ASXL3: variants seen among roughly 807,000 people sequenced by gnomAD.
The protein encoded by ASXL3 is ASXL transcriptional regulator 3.
A neutral mutation model predicts 170.6 loss-of-function variants in ASXL3; 34 were observed. The observed-to-expected ratio is 0.20, with a 90% CI of 0.15 to 0.27. The LOEUF (loss-of-function observed/expected upper bound fraction) is 0.27, where lower values mean the gene tolerates loss of function less well. Among genes scored for constraint, ASXL3 ranks in the 10% least tolerant of loss-of-function variants. The pLI, the probability that ASXL3 is intolerant of heterozygous loss-of-function variation, is 1.00. For missense variants in ASXL3, 2,592 were observed against 2,695.3 expected (o/e 0.96, Z 0.85); for synonymous variants, 1,002 against 989.1 (o/e 1.01, Z -0.24).
rs936599256 is a variant in ASXL3, at chr18:33,594,231, A to G, written c.55-13363A>G. On this transcript the variant is annotated intron_variant, in intron 1 of 11. Coordinates refer to ENST00000269197, the MANE Select transcript of ASXL3 (RefSeq NM_030632.3). ...GAATGGCAACCTCTGGGAAAAATCT[A>G]AGTAAGACTTGTTGTGAGTCCTAAT... is the stretch of plus-strand genomic sequence containing the variant. Among the ~76,000 whole-genome samples, 5 of 152,314 alleles carry G rather than the reference A, an allele frequency of 3.3e-5. No homozygotes were observed. In the East Asian group the frequency reaches 9.6e-4, roughly 29 times the overall value.
chr18:33,684,536 A>G (rs1007829179), intron 8 of ASXL3, among the ~76,000 whole-genome samples: 2 of 151,946 alleles, frequency 1.3e-5, no homozygotes, highest in African/African-American at 4.8e-5. Flanking sequence ...TTTGGTGGTG[A>G]TTATTGTTCA....
chr18:33,702,934 T>G (rs2066900088), intron 8 of ASXL3, among the ~76,000 whole-genome samples: 1 of 152,148 alleles, frequency 6.6e-6, no homozygotes, highest in Non-Finnish European at 1.5e-5. Flanking sequence ...GTCCATTAAT[T>G]GCTGCCTGAT....
chr18:33,604,062 C>G (rs1018763741), intron 1 of ASXL3, among the ~76,000 whole-genome samples: 1 of 151,836 alleles, frequency 6.6e-6, no homozygotes, highest in Non-Finnish European at 1.5e-5. Context: ...AGATTTTCAG[C>G]AAAAATTTTT....
At chr18:33,728,889 T>TA (rs1442667260) in intron 8 of ASXL3, among the ~76,000 whole-genome samples, 4 of 152,326 alleles carry the variant, frequency 2.6e-5, no homozygotes, top group African/African-American at 7.2e-5. Context: ...AAAAATTTGA[T>TA]ACGTTTCCCA....
At chr18:33,699,948 T>A (rs909204207) in intron 8 of ASXL3, among the ~76,000 whole-genome samples, 3 of 152,088 alleles carry the variant, frequency 2.0e-5, no homozygotes, top group Non-Finnish European at 4.4e-5. Flanking sequence ...TTTTATCTCC[T>A]TTATAATTAG....
chr18:33,671,970 A>T, intron 7 of ASXL3, 104 bp downstream of exon 7: 1 of 1,225,520 alleles, frequency 8.2e-7, no homozygotes, highest in Admixed American at 3.1e-5. Context: ...TAAACAAGGA[A>T]ATTAAAATTT....
At chr18:33,689,632 A>G (rs1461460765) in intron 8 of ASXL3, among the ~76,000 whole-genome samples, 2 of 152,224 alleles carry the variant, frequency 1.3e-5, no homozygotes, top group African/African-American at 2.4e-5. Context: ...GGAGAAATAC[A>G]GTAAATGATG....
At chr18:33,616,576 A>G (rs1160391016) in intron 2 of ASXL3, 1 of 152,180 alleles carries the variant, frequency 6.6e-6, no homozygotes, top group African/African-American at 2.4e-5. Context: ...AATTACTATT[A>G]AGTCCTCCCA....
intron 2 of ASXL3, among the ~76,000 whole-genome samples, chr18:33,609,214 A>T (rs1417072498): frequency 6.6e-6 from 1 of 151,984 alleles, no homozygotes; most frequent in Non-Finnish European, 1.5e-5. Context: ...CCCTGGAAAT[A>T]TTTATGACAT....
rs772111853 is a variant in ASXL3, at chr18:33,683,501, C to T, written c.812C>T (p.Thr271Met). ...TTGAGGGCATTAATAAATAAACATA[C>T]GTTTGCTTCCTTACCTCAGCATTTT... ...TNLRALINKHTFASLPQHFQQ... is the reference protein window; with the variant it reads ...TNLRALINKHMFASLPQHFQQ... Residue 271 changes from threonine to methionine, a missense_variant, in exon 8 of 12, where the codon ACG becomes ATG. By Grantham distance (81) the Thr-to-Met change is moderately conservative (BLOSUM62 -1). Around this residue, in one of 4 missense-constraint regions of ASXL3, gnomAD observed 73 missense variants for 142.7 expected, o/e 0.51. Transcript: ENST00000269197. The T allele has an allele frequency of 4.3e-6, 7 of 1,613,276 alleles. No homozygotes were observed. Among genetic ancestry groups the T allele is most frequent in the Admixed American group, 1.7e-5 (1 of 59,954 alleles).
intron 2 of ASXL3, chr18:33,608,945 C>G (rs1486713600): frequency 1.2e-6 from 1 of 811,464 alleles, no homozygotes; most frequent in Admixed American, 6.3e-5. Context: ...GACACCTATG[C>G]TCAAATTTTC....
intron 1 of ASXL3, among the ~76,000 whole-genome samples, chr18:33,607,143 G>A (rs971898201): frequency 6.6e-6 from 1 of 151,858 alleles, no homozygotes; most frequent in Non-Finnish European, 1.5e-5. Flanking sequence ...CAACATTTTG[G>A]CCGTGAATCC....
intron 4 of ASXL3, among the ~76,000 whole-genome samples, chr18:33,656,700 C>T (rs1463543004): frequency 1.3e-5 from 2 of 152,036 alleles, no homozygotes; most frequent in Non-Finnish European, 2.9e-5. Flanking sequence ...AGTGGCAGGT[C>T]GTGCAACTTC....
intron 2 of ASXL3, among the ~76,000 whole-genome samples, chr18:33,638,775 G>T (rs1305778299): frequency 1.3e-5 from 2 of 152,102 alleles, no homozygotes; most frequent in African/African-American, 4.8e-5. Context: ...ATTTTGGAGT[G>T]GCTATGAGGC....
rs747225265 is a variant in ASXL3, at chr18:33,743,850, C to G, written c.4002C>G (p.Val1334=). Residue 1334 remains valine (V), a synonymous_variant, in exon 12 of 12, where the codon GTC becomes GTG. Transcript: ENST00000269197. ...LISSSSASNL[V]STQYTSVPTP... Reference sequence around the variant, plus strand: ...CAAGCAGCAGTGCTAGTAACTTAGTCTCCACTCAGTACACCTCTGTGCCAA... The same window carrying G: ...CAAGCAGCAGTGCTAGTAACTTAGTGTCCACTCAGTACACCTCTGTGCCAA... 1 of 1,614,026 alleles carries G rather than the reference C, an allele frequency of 6.2e-7. No individual in the cohort carries two copies. Among genetic ancestry groups the G allele is most frequent in the South Asian group, 1.1e-5 (1 of 91,088 alleles).
chr18:33,674,002 A>T (rs1473816321), intron 7 of ASXL3, among the ~76,000 whole-genome samples: 1 of 152,180 alleles, frequency 6.6e-6, no homozygotes, highest in African/African-American at 2.4e-5. Context: ...ATATAATGGA[A>T]TGGTCTAGGT....
chr18:33,588,905 C>T (rs1354790081), intron 1 of ASXL3, among the ~76,000 whole-genome samples: 2 of 152,144 alleles, frequency 1.3e-5, no homozygotes, highest in African/African-American at 4.8e-5. Context: ...GCCACAAACC[C>T]TCTTGTCAGT....
At position 33,739,496 on chromosome 18, in the gene ASXL3, T is replaced by C. The variant is rs773625471; in HGVS notation, c.2092T>C (p.Leu698=). 8.4e-5 allele frequency: 136 copies of C among 1,613,826 alleles called. No homozygotes were observed. Among genetic ancestry groups the C allele is most frequent in the Non-Finnish European group, 1.1e-4 (132 of 1,179,864 alleles). Reference sequence around the variant, plus strand: ...ATCAGAAGCATCTCTTATGTCCAACTTACCATTAACATCTGAAGCATCACC... The same window carrying C: ...ATCAGAAGCATCTCTTATGTCCAACCTACCATTAACATCTGAAGCATCACC... ...EISEASLMSN[L]PLTSEASPVS... Residue 698 remains leucine, a synonymous_variant, in exon 11 of 12, where the codon TTA becomes CTA. Transcript: ENST00000269197.
chr18:33,608,031 G>A (rs1234712390), intron 2 of ASXL3, among the ~76,000 whole-genome samples: 13 of 151,920 alleles, frequency 8.6e-5, no homozygotes, highest in Non-Finnish European at 7.4e-5. Flanking sequence ...TAGATCCTAG[G>A]ATATAAAGAT....
Sources: gnomAD v4.1 joint callset for allele counts (sites outside exome capture counted in the v4.1 genomes callset) on GRCh38, gnomAD v4.1.1 for gene constraint, gnomAD v4.1.1 regional missense constraint, MANE v1.5 for transcripts, NCBI Gene and HGNC (gene_info 2026-07-23, HGNC 2026-07-21) for gene names.